IL2RA: variants seen among roughly 807,000 people sequenced by gnomAD.
IL2RA encodes the protein interleukin-2 receptor subunit alpha.
IL2RA carries 24 observed loss-of-function variants against 37.8 expected under a neutral mutation model. The observed-to-expected ratio is 0.63, with a 90% CI of 0.46 to 0.89. The LOEUF (loss-of-function observed/expected upper bound fraction) is 0.89. Ranked by LOEUF, IL2RA falls within the 40% of genes least tolerant of loss-of-function variation. The probability of loss-of-function intolerance (pLI) is 0.00; values close to 1 mark genes in which losing one functional copy is unlikely to be tolerated. For missense variants in IL2RA, 319 were observed against 348.6 expected, an observed-to-expected ratio of 0.92 and a Z score of 0.68; for synonymous variants, 125 against 114.6, an observed-to-expected ratio of 1.09 and a Z score of -0.58.
rs887478224 is a variant in IL2RA at position 6,020,226 on chromosome 10, G to A, written c.584-285C>T. Among the ~76,000 whole-genome samples, 1 of 152,158 alleles carries A rather than the reference G, an allele frequency of 6.6e-6. No homozygotes were observed. The highest frequency in any genetic ancestry group is 1.5e-5 in the Non-Finnish European group (1 of 68,020). ...TCCCCAGCCTCCCTCCCCAGTCCTGGTTTCCATCTGTGACTTGGAAACAGG... is the reference window on the plus strand; with the variant it reads ...TCCCCAGCCTCCCTCCCCAGTCCTGATTTCCATCTGTGACTTGGAAACAGG... On this transcript the variant is annotated intron_variant, in intron 4 of 7. Transcript: ENST00000379959. The surrounding 1 kb of genome is among the most constrained non-coding windows in gnomAD (Gnocchi z 5.6).
chr10:6,041,116 C>CTTTTTTTTT (rs34852465), intron 1 of IL2RA, among the ~76,000 whole-genome samples: 1 of 126,496 alleles, frequency 7.9e-6, no homozygotes, highest in African/African-American at 2.9e-5. Context: ...TGAGTTAATT[C>CTTTTTTTTT]TTTTTTTTTT....
rs1839349763 is a variant in IL2RA at position 6,019,751 on chromosome 10, G to A, written c.655+119C>T. 9 of 953,314 alleles carry A rather than the reference G, an allele frequency of 9.4e-6. 1 individual carries two copies. The highest frequency in any genetic ancestry group is 6.5e-5 in the South Asian group (5 of 76,406). The allele number at this position is 953,314 out of a possible 1,614,324, so 59.1% of individuals were successfully genotyped here. On this transcript the variant is annotated intron_variant, in intron 5 of 7. Transcript: ENST00000379959. ...CCTGTCCCTGCTCAGAGGGAGAGGA[G>A]GCTGCTGTGGGCTTCTCCCCTACAG...
At position 6,019,948 on chromosome 10, in the gene IL2RA, G is replaced by A. The variant is rs1467786063; in HGVS notation, c.584-7C>T. 7 of 1,610,010 alleles carry A rather than the reference G, an allele frequency of 4.3e-6. No individual in the cohort carries two copies. The highest frequency in any genetic ancestry group is 4.5e-5 in the East Asian group (2 of 44,870). On this transcript the variant is annotated splice_region_variant and splice_polypyrimidine_tract_variant and intron_variant, in intron 4 of 7. Coordinates refer to ENST00000379959, the MANE Select transcript of IL2RA (RefSeq NM_000417.3). The stretch of plus-strand genomic sequence containing the variant: ...GCCTGAGGCTTCTCTTCACCTGGGG[G>A]AGAGAGTAAGTGATGCTGGTGGAGC...
At position 6,012,835 on chromosome 10, in the gene IL2RA, C is replaced by T. The variant is rs747854116; in HGVS notation, c.*37G>A. The stretch of plus-strand genomic sequence containing the variant: ...CTTCATGACTTCTGTTGTCTGTTCC[C>T]GGCTTCTTACCAAGAAATTCTTGTT... On this transcript the variant is annotated 3_prime_UTR_variant, in exon 8 of 8. Transcript: ENST00000379959. The surrounding 1 kb of genome is among the most constrained non-coding windows in gnomAD (Gnocchi z 4.8). 48 of 1,607,740 alleles carry T rather than the reference C, an allele frequency of 3.0e-5. No homozygotes were observed. The highest frequency in any genetic ancestry group is 1.8e-4 in the South Asian group (16 of 90,956).
At chr10:6,062,040 A>T (rs765489294) in intron 1 of IL2RA, 48 bp downstream of exon 1, 2 of 1,452,238 alleles carry the variant, frequency 1.4e-6, no homozygotes, top group Non-Finnish European at 1.9e-6. Context: ...GGGAAGAGGG[A>T]TGCCCATCAG....
At chr10:6,019,634 G>A (rs1839347039) in intron 5 of IL2RA, 135 bp from the exon 6 acceptor site, 3 of 796,316 alleles carry the variant, frequency 3.8e-6, no homozygotes, top group Non-Finnish European at 6.6e-6. Context: ...GGTGAGGGAA[G>A]GTGTTCCATC....
intron 1 of IL2RA, among the ~76,000 whole-genome samples, chr10:6,052,337 T>G (rs552568278): frequency 1.3e-5 from 2 of 152,266 alleles, no homozygotes; most frequent in African/African-American, 4.8e-5. Flanking sequence ...GACTCCTTCT[T>G]TAAACTTGTA....
At chr10:6,034,554 G>A (rs901590262) in intron 1 of IL2RA, among the ~76,000 whole-genome samples, 5 of 152,074 alleles carry the variant, frequency 3.3e-5, no homozygotes, top group Non-Finnish European at 7.4e-5. Context: ...ATAACAGGAG[G>A]ATTCCACTTA....
At chr10:6,051,230 A>G (rs949231730) in intron 1 of IL2RA, among the ~76,000 whole-genome samples, 1 of 152,078 alleles carries the variant, frequency 6.6e-6, no homozygotes, top group South Asian at 2.1e-4. Context: ...GCCTGGTTTC[A>G]TTGTCGGGGA....
At chr10:6,061,717 T>TG (rs1453663963) in intron 1 of IL2RA, among the ~76,000 whole-genome samples, 1 of 152,144 alleles carries the variant, frequency 6.6e-6, no homozygotes, top group Admixed American at 6.5e-5. Flanking sequence ...GCTTCTTAGT[T>TG]GGGGGGTGGG....
chr10:6,030,161 A>C (rs1276242377), intron 1 of IL2RA, among the ~76,000 whole-genome samples: 2 of 152,356 alleles, frequency 1.3e-5, no homozygotes, highest in East Asian at 3.8e-4. Flanking sequence ...ACAATATTAA[A>C]TAGCCTAACC....
intron 1 of IL2RA, among the ~76,000 whole-genome samples, chr10:6,032,632 G>A (rs1180282824): frequency 1.3e-5 from 2 of 150,800 alleles, no homozygotes; most frequent in Non-Finnish European, 2.9e-5. Flanking sequence ...GGTGGAGCTT[G>A]CAGTGAGCCC....
chr10:6,042,148 CAAAAAAAA>C (rs57093239), intron 1 of IL2RA, among the ~76,000 whole-genome samples: 3 of 54,132 alleles, frequency 5.5e-5, no homozygotes, highest in Admixed American at 7.5e-4. Flanking sequence ...ATGTATTAAG[CAAAAAAAA>C]AAAAAAAAAA....
In IL2RA at chr10:6,057,133, AT is replaced by A. The variant is rs1458793092; in HGVS notation, c.64+4954del. Among the ~76,000 whole-genome samples, 1 of 152,174 alleles carries A rather than the reference AT, an allele frequency of 6.6e-6. No homozygotes were observed. Among genetic ancestry groups the A allele is most frequent in the Non-Finnish European group, 1.5e-5 (1 of 68,034 alleles). On this transcript the variant is annotated intron_variant, in intron 1 of 7. Coordinates refer to ENST00000379959, the MANE Select transcript of IL2RA (RefSeq NM_000417.3). The surrounding 1 kb of genome is among the most constrained non-coding windows in gnomAD (Gnocchi z 4.8). ...ATGCCTTTCTCCTCCTCACCAACTT[AT>A]GACTCTCTTAAGGATCAGGACTATG...
At chr10:6,032,191 T>TTA (rs1839606055) in intron 1 of IL2RA, among the ~76,000 whole-genome samples, 1 of 152,010 alleles carries the variant, frequency 6.6e-6, no homozygotes, top group South Asian at 2.1e-4. Context: ...ATTAATTTTA[T>TTA]TATATATATA....
intron 3 of IL2RA, among the ~76,000 whole-genome samples, chr10:6,023,725 G>A (rs762935287): frequency 7.2e-5 from 11 of 152,260 alleles, no homozygotes; most frequent in Non-Finnish European, 1.5e-4. Flanking sequence ...CTCATGCACA[G>A]ACTGCTGGCC....
Position 6,033,443 on chromosome 10 carries a change from G to A in IL2RA, c.65-7418C>T, listed in dbSNP as rs1420258798. ...GAATGAAGGGATGTGTCTACAGAAAGACTTTTATAAAATATTTATAGTAAC... is the reference window on the plus strand; with the variant it reads ...GAATGAAGGGATGTGTCTACAGAAAAACTTTTATAAAATATTTATAGTAAC... On this transcript the variant is annotated intron_variant, in intron 1 of 7. Transcript: ENST00000379959. This position sits in a 1 kb window ranked among gnomAD's most constrained non-coding sequence, Gnocchi z 4.3. Among the ~76,000 whole-genome samples the A allele has an allele frequency of 6.6e-6, 1 of 152,130 alleles. No homozygotes were observed. Among genetic ancestry groups the A allele is most frequent in the Non-Finnish European group, 1.5e-5 (1 of 68,032 alleles).
chr10:6,021,406 G>A lies in IL2RA; in HGVS notation c.583+72C>T. The stretch of plus-strand genomic sequence containing the variant: ...GGACCACTCTTGTCCAGCAGGAGTG[G>A]TCAGGGATTCCACTCTGGTCAGCCT... On this transcript the variant is annotated intron_variant, in intron 4 of 7. Transcript: ENST00000379959. This position sits in a 1 kb window ranked among gnomAD's most constrained non-coding sequence, Gnocchi z 4.9. 8.0e-7 allele frequency: 1 copy of A among 1,244,328 alleles called. No homozygotes were observed. Among genetic ancestry groups the A allele is most frequent in the Non-Finnish European group, 1.2e-6 (1 of 845,032 alleles). The allele number at this position is 1,244,328 out of a possible 1,614,324, so 77.1% of individuals were successfully genotyped here. A position where few individuals can be genotyped will look rare whatever the true frequency, so the allele number is the denominator to read the frequency against.
rs376988755 is a variant in IL2RA at position 6,024,400 on chromosome 10, C to A, written c.257-46G>T. 1.4e-5 allele frequency: 19 copies of A among 1,335,382 alleles called. No homozygotes were observed. The African/African-American group carries it at 2.3e-4, about 16-fold the overall frequency. 82.7% of individuals were successfully genotyped at this position (1,335,382 alleles called of 1,614,324 possible). On this transcript the variant is annotated intron_variant, in intron 2 of 7. Coordinates refer to ENST00000379959, the MANE Select transcript of IL2RA (RefSeq NM_000417.3). ...GATGCAGATAATTTCACAAATGCTT[C>A]ATAGAAAACACTGTTCATGTATTCA...
Sources: gnomAD v4.1 joint callset for allele counts (sites outside exome capture counted in the v4.1 genomes callset) on GRCh38, gnomAD v4.1.1 for gene constraint, Gnocchi (gnomAD v3.1) non-coding constraint, MANE v1.5 for transcripts, NCBI Gene and HGNC (gene_info 2026-07-23, HGNC 2026-07-21) for gene names.